The following MTO1 variants were observed in gnomAD, a reference collection of about 807,000 sequenced individuals.
MTO1 encodes 5-taurinomethyluridine-[tRNA] synthase subunit MTO1, mitochondrial.
A neutral mutation model predicts 71.6 loss-of-function variants in MTO1; 46 were observed. The ratio of observed to expected loss-of-function variants is 0.64; its 90% CI spans 0.51 to 0.82. MTO1 has a LOEUF of 0.82. Among genes scored for constraint, MTO1 ranks in the 40% least tolerant of loss-of-function variants. The pLI, the probability that MTO1 is intolerant of heterozygous loss-of-function variation, is 0.00. For synonymous variants in MTO1, 297 were observed against 312.1 expected (o/e 0.95, Z 0.51); for missense variants, 773 against 867.5 (o/e 0.89, Z 1.37).
At chr6:73,482,717 C>A in intron 9 of MTO1, 97 bp downstream of exon 9, 4 of 914,730 alleles carry the variant, frequency 4.4e-6, no homozygotes, top group East Asian at 3.0e-5. Flanking sequence ...CCTACCTACA[C>A]ATTTCAAATG....
chr6:73,470,180 TTTTA>T (rs933816885), intron 3 of MTO1, among the ~76,000 whole-genome samples: 6 of 151,772 alleles, frequency 4.0e-5, no homozygotes, highest in African/African-American at 1.4e-4. Context: ...TTTTATTTTA[TTTTA>T]TTTATTTATT....
chr6:73,482,789 C>CCT (rs772625846), intron 9 of MTO1, among the ~76,000 whole-genome samples, 169 bp downstream of exon 9: 28 of 92,148 alleles, frequency 3.0e-4, no homozygotes, highest in Non-Finnish European at 5.9e-5. Context: ...TTTTTTCTTT[C>CCT]TTTTTTTTTT....
chr6:73,482,092 T>C lies in MTO1; in HGVS notation c.1313T>C (p.Phe438Ser), dbSNP rs1405997525. The C allele has an allele frequency of 6.2e-7, 1 of 1,614,162 alleles. No individual in the cohort carries two copies. The highest frequency in any genetic ancestry group is 1.7e-5 in the Admixed American group (1 of 59,986). ...CTTCGGGTCAGTCGCAAGCCTCCCT[T>C]TGTGGTTAGCCGAACAGAAGGTTAC... ...ASLRVSRKPP[F>S]VVSRTEGYIG... Residue 438 changes from phenylalanine (F) to serine (S), a missense_variant, in exon 8 of 12, where the codon TTT (phenylalanine) becomes TCT (serine). Physicochemically the swap from Phe to Ser is radical, Grantham distance 155. Transcript: ENST00000498286.
chr6:73,466,554 A>G lies in MTO1; in HGVS notation c.483A>G (p.Thr161=). The change falls in exon 3 of 12, where the codon ACA becomes ACG. Residue 161 remains threonine (T), a synonymous_variant. Transcript: ENST00000498286. ...QEGAVEDLIL[T]EPEPEHTGKC... is the part of the protein sequence containing the mutation. The stretch of plus-strand genomic sequence containing the variant: ...GAGCTGTAGAAGATCTTATTCTTAC[A>G]GAACCAGAGCCTGAACACACTGGGA... 1 of 1,614,208 alleles carries G rather than the reference A, an allele frequency of 6.2e-7. No homozygotes were observed. The highest frequency in any genetic ancestry group is 1.1e-5 in the South Asian group (1 of 91,090).
At position 73,506,517 on chromosome 6, in the gene MTO1, C is replaced by T. The variant is rs1201475057; in HGVS notation, c.*5782C>T. The T allele has an allele frequency of 6.3e-6, 1 of 158,176 alleles. No individual in the cohort carries two copies. Among genetic ancestry groups the T allele is most frequent in the Non-Finnish European group, 1.4e-5 (1 of 73,010 alleles). The allele number at this position is 158,176 out of a possible 1,614,324, so 9.8% of individuals were successfully genotyped here. On this transcript the variant is annotated 3_prime_UTR_variant, in exon 12 of 12. Coordinates refer to ENST00000498286, the MANE Select transcript of MTO1 (RefSeq NM_012123.4). Reference sequence around the variant, plus strand: ...TTCTTCCTCATTTTCTCTTGCCACTCCCATGTAAGAAGTGCCTTTCGCCTC... The same window carrying T: ...TTCTTCCTCATTTTCTCTTGCCACTTCCATGTAAGAAGTGCCTTTCGCCTC...
chr6:73,466,758 GT>G lies in MTO1; in HGVS notation c.535+155del, dbSNP rs372111279. On this transcript the variant is annotated intron_variant, in intron 3 of 11. Coordinates refer to ENST00000498286, the MANE Select transcript of MTO1 (RefSeq NM_012123.4). ...TGAGGAAAACTATATAAATAAATAT[GT>G]TTCTCTTTTCATCTTGGCATTTATG... The G allele has an allele frequency of 4.7e-4, 305 of 650,196 alleles. No individual in the cohort carries two copies. In the African/African-American group the frequency reaches 5.0e-3, roughly 11 times the overall value. The allele number at this position is 650,196 out of a possible 1,614,324, so 40.3% of individuals were successfully genotyped here.
chr6:73,462,159 C>A (rs752338218), intron 1 of MTO1, 88 bp downstream of exon 1: 1 of 1,394,838 alleles, frequency 7.2e-7, no homozygotes. Flanking sequence ...GGACCTCTTC[C>A]TTTCCTCAAA....
chr6:73,497,089 A>C (rs1165675572), intron 10 of MTO1, among the ~76,000 whole-genome samples: 5 of 151,680 alleles, frequency 3.3e-5, no homozygotes. Context: ...TAGGACATAA[A>C]ATTCAACCTC....
chr6:73,483,331 C>T (rs143727373), intron 9 of MTO1, among the ~76,000 whole-genome samples: 2,460 of 151,990 alleles, frequency 0.016, 60 homozygotes, highest in African/African-American at 0.05. Flanking sequence ...ATCACTTGAA[C>T]CTAGGAGGCA....
At chr6:73,465,291 G>A (rs1770951075) in intron 1 of MTO1, among the ~76,000 whole-genome samples, 1 of 151,822 alleles carries the variant, frequency 6.6e-6, no homozygotes, top group Non-Finnish European at 1.5e-5. Context: ...AGCCTCCCAA[G>A]TAGCTGGGAT....
chr6:73,507,976 C>CAAAAAAAAAAAA lies in MTO1; in HGVS notation c.*7254_*7265dup. On this transcript the variant is annotated 3_prime_UTR_variant, in exon 12 of 12. Coordinates refer to ENST00000498286, the MANE Select transcript of MTO1 (RefSeq NM_012123.4). The stretch of plus-strand genomic sequence containing the variant: ...TGGGCGACAAAGCGAGACTCTGTCT[C>CAAAAAAAAAAAA]AAAAAAAAAAAAAAAAAAAAAAAAT... The CAAAAAAAAAAAA allele has an allele frequency of 9.0e-6, 1 of 110,540 alleles. No homozygotes were observed. Among genetic ancestry groups the CAAAAAAAAAAAA allele is most frequent in the Non-Finnish European group, 1.9e-5 (1 of 53,614 alleles). The allele number at this position is 110,540 out of a possible 1,614,324, so 6.8% of individuals were successfully genotyped here. A position where few individuals can be genotyped will look rare whatever the true frequency, so the allele number is the denominator to read the frequency against.
chr6:73,475,518 T>C (rs1471171572), intron 4 of MTO1, among the ~76,000 whole-genome samples: 1 of 151,676 alleles, frequency 6.6e-6, no homozygotes, highest in East Asian at 1.9e-4. Flanking sequence ...AACTCTTTTT[T>C]TTTTTTTTTC....
At chr6:73,495,914 A>AATATCTG (rs1771965740) in intron 10 of MTO1, among the ~76,000 whole-genome samples, 1 of 152,174 alleles carries the variant, frequency 6.6e-6, no homozygotes, top group African/African-American at 2.4e-5. Context: ...AAGGGCAGAT[A>AATATCTG]TTAGCATTGT....
chr6:73,488,506 T>TAC (rs1771717636), intron 9 of MTO1, among the ~76,000 whole-genome samples: 3 of 152,194 alleles, frequency 2.0e-5, no homozygotes, highest in Non-Finnish European at 4.4e-5. Flanking sequence ...GTTCTTTATG[T>TAC]ATACTGGATA....
chr6:73,488,604 T>G (rs1771721472), intron 9 of MTO1, among the ~76,000 whole-genome samples: 1 of 152,126 alleles, frequency 6.6e-6, no homozygotes, highest in East Asian at 1.9e-4. Context: ...TCCTTTGATG[T>G]ACATTTTAAA....
At chr6:73,496,010 G>C (rs1413114647) in intron 10 of MTO1, among the ~76,000 whole-genome samples, 2 of 152,170 alleles carry the variant, frequency 1.3e-5, no homozygotes, top group Non-Finnish European at 1.5e-5. Flanking sequence ...TACCTTGTCT[G>C]ATTGCAAATC....
intron 1 of MTO1, among the ~76,000 whole-genome samples, chr6:73,464,887 T>G (rs1014581241): frequency 6.7e-6 from 1 of 149,786 alleles, no homozygotes; most frequent in Non-Finnish European, 1.5e-5. Context: ...ATTCTTGATG[T>G]GGTGGCAGTG....
At chr6:73,475,045 G>A (rs570942795) in intron 4 of MTO1, among the ~76,000 whole-genome samples, 3 of 151,994 alleles carry the variant, frequency 2.0e-5, no homozygotes, top group East Asian at 1.9e-4. Context: ...GTGAGCCACC[G>A]TGCCTGGCAA....
intron 4 of MTO1, 124 bp from the exon 5 acceptor site, chr6:73,479,608 T>C: frequency 1.5e-6 from 1 of 656,960 alleles, no homozygotes; most frequent in Non-Finnish European, 2.6e-6. Context: ...TCATAAGTAA[T>C]ACTAGGCATT....
Sources: allele counts gnomAD v4.1 joint callset (sites outside exome capture counted in the v4.1 genomes callset), GRCh38; gene constraint gnomAD v4.1.1; transcripts MANE v1.5; gene names NCBI Gene and HGNC (gene_info 2026-07-23, HGNC 2026-07-21).